Variants in SLC6A5 observed in about 807,000 individuals in gnomAD.
SLC6A5 encodes the protein sodium- and chloride-dependent glycine transporter 2.
SLC6A5 carries 58 observed loss-of-function variants against 90.5 expected under a neutral mutation model. The observed-to-expected ratio is 0.64, with a 90% CI of 0.52 to 0.80. The LOEUF (loss-of-function observed/expected upper bound fraction) is 0.80. SLC6A5 is among the 30% of genes least tolerant of loss of function. The pLI, the probability that SLC6A5 is intolerant of heterozygous loss-of-function variation, is 0.00. For synonymous variants in SLC6A5, 427 were observed against 401.4 expected (o/e 1.06, Z -0.76); for missense variants, 1,015 against 1,017.6 (o/e 1.00, Z 0.03).
intron 14 of SLC6A5, among the ~76,000 whole-genome samples, chr11:20,650,655 C>CTTT (rs55849528): frequency 5.0e-5 from 4 of 79,844 alleles, no homozygotes; most frequent in Non-Finnish European, 6.7e-5. Context: ...GACGCCTGTT[C>CTTT]TTTTTTTTTT....
At position 20,627,994 on chromosome 11, in the gene SLC6A5, T is replaced by C; in HGVS notation, c.1410T>C (p.Ala470=). 1.2e-6 allele frequency: 2 copies of C among 1,614,136 alleles called. No homozygotes were observed. The highest frequency in any genetic ancestry group is 1.7e-6 in the Non-Finnish European group (2 of 1,179,982). Residue 470 remains alanine (A), a synonymous_variant, in exon 9 of 16, where the codon GCT becomes GCC. Transcript: ENST00000525748. ...KLTDATVWKD[A]ATQIFFSLSA... ...TTGCCTCTCAGGTGTGGAAAGATGC[T>C]GCCACTCAGATTTTCTTCTCTTTAT... is the stretch of plus-strand genomic sequence containing the variant.
chr11:20,600,341 A>AGAG (rs879633745), intron 1 of SLC6A5, among the ~76,000 whole-genome samples: 39 of 45,094 alleles, frequency 8.6e-4, no homozygotes, highest in Non-Finnish European at 1.3e-3. Flanking sequence ...AAGAGGAAGA[A>AGAG]GAAGAAGAAG....
intron 3 of SLC6A5, 41 bp downstream of exon 3, chr11:20,604,465 C>T: frequency 6.4e-7 from 1 of 1,551,038 alleles, no homozygotes; most frequent in Non-Finnish European, 8.8e-7. Context: ...CGGGGCGGGG[C>T]GGGCACCTGA....
Position 20,601,343 on chromosome 11 carries a change from A to G in SLC6A5, c.218A>G (p.Glu73Gly), listed in dbSNP as rs1852470763. The G allele has an allele frequency of 6.3e-7, 1 of 1,598,452 alleles. No individual in the cohort carries two copies. The highest frequency in any genetic ancestry group is 8.5e-7 in the Non-Finnish European group (1 of 1,175,274). ...GCGGACGCGCGAGCCTGCGAGGCTG[A>G]GCGGCCAGGAGTGGGGTCTTGCAAA... Reference protein sequence around the residue: ...QSADARACEAERPGVGSCKLS... With the variant: ...QSADARACEAGRPGVGSCKLS... The change falls in exon 2 of 16, where the codon GAG becomes GGG. Residue 73 changes from glutamate (E) to glycine (G), a missense_variant. Transcript: ENST00000525748.
Position 20,630,881 on chromosome 11 carries a change from T to A in SLC6A5, c.1624+66T>A. 4 of 1,581,326 alleles carry A rather than the reference T, an allele frequency of 2.5e-6. No homozygotes were observed. In the Admixed American group the frequency reaches 5.1e-5, roughly 20 times the overall value. On this transcript the variant is annotated intron_variant, in intron 10 of 15. Coordinates refer to ENST00000525748, the MANE Select transcript of SLC6A5 (RefSeq NM_004211.5). Reference sequence around the variant, plus strand: ...CAGGCTCATGTCACAAGCTCCTAATTTAGACTATGCTGGGAAGCTGGCCTT... The same window carrying A: ...CAGGCTCATGTCACAAGCTCCTAATATAGACTATGCTGGGAAGCTGGCCTT...
At chr11:20,652,570 A>G (rs1853563290) in intron 15 of SLC6A5, 114 bp downstream of exon 15, 1 of 1,070,032 alleles carries the variant, frequency 9.3e-7, no homozygotes, top group Non-Finnish European at 1.4e-6. Flanking sequence ...AGACTTGGTG[A>G]TGAAGCGATT....
rs573771359 is a variant in SLC6A5 at position 20,605,173 on chromosome 11, C to T, written c.679+749C>T. On this transcript the variant is annotated intron_variant, in intron 3 of 15. Transcript: ENST00000525748. ...CTCTGGCCCTCCCAGCGTTTGGGTG[C>T]CGCGGGGCCGGCCGCTCTCTAGCAA... 7.9e-5 allele frequency among the ~76,000 whole-genome samples: 12 copies of T among 152,248 alleles called. 1 individual carries two copies. The highest frequency in any genetic ancestry group is 2.6e-4 in the African/African-American group (11 of 41,550).
At chr11:20,610,256 G>A (rs1158197981) in intron 5 of SLC6A5, among the ~76,000 whole-genome samples, 1 of 152,182 alleles carries the variant, frequency 6.6e-6, no homozygotes, top group Non-Finnish European at 1.5e-5. Context: ...TCCCTCGCGG[G>A]TGGACCCGAA....
At chr11:20,636,763 G>A (rs1853216047) in intron 11 of SLC6A5, among the ~76,000 whole-genome samples, 2 of 152,182 alleles carry the variant, frequency 1.3e-5, no homozygotes, top group South Asian at 4.1e-4. Context: ...GGAAATTGCT[G>A]TGGGGCTGAG....
intron 14 of SLC6A5, among the ~76,000 whole-genome samples, chr11:20,648,945 T>A (rs1853473642): frequency 6.6e-6 from 1 of 152,016 alleles, no homozygotes; most frequent in Non-Finnish European, 1.5e-5. Context: ...CTTGGAGAGG[T>A]CAAGGAACTT....
rs1169186682 is a variant in SLC6A5 at position 20,638,312 on chromosome 11, G to T, written c.1870-147G>T. ...AGCTTACATGCTGGACCAGGTGTAG[G>T]TTACTGCTACTGAGAGGAGGGGAGA... On this transcript the variant is annotated intron_variant, in intron 12 of 15. Coordinates refer to ENST00000525748, the MANE Select transcript of SLC6A5 (RefSeq NM_004211.5). 2.2e-5 allele frequency: 15 copies of T among 687,198 alleles called. No homozygotes were observed. In the Admixed American group the frequency reaches 3.0e-4, roughly 14 times the overall value. 42.6% of individuals were successfully genotyped at this position (687,198 alleles called of 1,614,324 possible).
chr11:20,643,024 G>A (rs557396649), intron 13 of SLC6A5, among the ~76,000 whole-genome samples: 6 of 152,252 alleles, frequency 3.9e-5, no homozygotes, highest in Non-Finnish European at 5.9e-5. Flanking sequence ...ATCCCCTCTC[G>A]GGGAGCTTGA....
intron 10 of SLC6A5, among the ~76,000 whole-genome samples, chr11:20,634,941 C>T (rs1442446235): frequency 6.6e-6 from 1 of 152,134 alleles, no homozygotes; most frequent in African/African-American, 2.4e-5. Context: ...CAGGAAAATT[C>T]ACAACTGCTG....
rs567185282 is a variant in SLC6A5, at chr11:20,655,769, C to T, written c.*901C>T. On this transcript the variant is annotated 3_prime_UTR_variant, in exon 16 of 16. Transcript: ENST00000525748. ...AAGCTGTAGACACCTTGTCTTTTGA[C>T]CTCTGGGAAAACAAGACTTACCCTG... 2.6e-5 allele frequency: 4 copies of T among 152,224 alleles called. No homozygotes were observed. The East Asian group carries it at 7.7e-4, about 29-fold the overall frequency. The allele number at this position is 152,224 out of a possible 1,614,324, so 9.4% of individuals were successfully genotyped here. A position where few individuals can be genotyped will look rare whatever the true frequency, so the allele number is the denominator to read the frequency against.
rs565605580 is a variant in SLC6A5 at position 20,615,515 on chromosome 11, G to C, written c.1127+695G>C. Among the ~76,000 whole-genome samples, 809 of 152,130 alleles carry C rather than the reference G, an allele frequency of 5.3e-3. 11 individuals carry two copies. Among genetic ancestry groups the C allele is most frequent in the African/African-American group, 0.018 (766 of 41,516 alleles). On this transcript the variant is annotated intron_variant, in intron 6 of 15. Transcript: ENST00000525748. ...CCCGAGGAGCTGGGACTACAGGCGCGTGCCACCATGCTCGGCTAATTTTTT... is the reference window on the plus strand; with the variant it reads ...CCCGAGGAGCTGGGACTACAGGCGCCTGCCACCATGCTCGGCTAATTTTTT...
chr11:20,638,323 T>A, intron 12 of SLC6A5, 136 bp from the exon 13 acceptor site: 1 of 709,330 alleles, frequency 1.4e-6, no homozygotes, highest in Admixed American at 1.9e-5. Flanking sequence ...TTACTGCTAC[T>A]GAGAGGAGGG....
intron 10 of SLC6A5, among the ~76,000 whole-genome samples, chr11:20,634,548 C>T (rs1355544691): frequency 1.3e-5 from 2 of 152,322 alleles, no homozygotes; most frequent in East Asian, 1.9e-4. Flanking sequence ...GTCGGCTTTA[C>T]GGGCCTGACT....
At chr11:20,603,316 T>A (rs952396689) in intron 2 of SLC6A5, among the ~76,000 whole-genome samples, 7 of 152,058 alleles carry the variant, frequency 4.6e-5, no homozygotes, top group Non-Finnish European at 1.0e-4. Context: ...TGGGGTGGTC[T>A]CCCCCCATTT....
At chr11:20,652,863 C>A (rs1049520018) in intron 15 of SLC6A5, among the ~76,000 whole-genome samples, 1 of 152,202 alleles carries the variant, frequency 6.6e-6, no homozygotes, top group Non-Finnish European at 1.5e-5. Flanking sequence ...ACATCTATTA[C>A]CATTAAACTT....
Sources: gnomAD v4.1 joint callset for allele counts (sites outside exome capture counted in the v4.1 genomes callset) on GRCh38, gnomAD v4.1.1 for gene constraint, MANE v1.5 for transcripts, NCBI Gene and HGNC (gene_info 2026-07-23, HGNC 2026-07-21) for gene names.